The following PTCD3 variants were observed in gnomAD, a reference collection of about 807,000 sequenced individuals.
PTCD3 encodes the protein pentatricopeptide repeat domain 3, also known as small ribosomal subunit protein mS39.
In PTCD3, 89 loss-of-function variants were observed where a neutral mutation model predicts 101.9. That is an observed-to-expected ratio of 0.87 (90% CI 0.74 to 1.04). The LOEUF is 1.04. PTCD3 is among the 50% of genes least tolerant of loss of function. The pLI, the probability that PTCD3 is intolerant of heterozygous loss-of-function variation, is 0.00. For missense variants in PTCD3, 870 were observed against 828.2 expected (o/e 1.05, Z -0.62); for synonymous variants, 296 against 278.5 (o/e 1.06, Z -0.63).
chr2:86,118,757 A>C (rs1191647358), intron 6 of PTCD3, among the ~76,000 whole-genome samples, 164 bp from the exon 7 acceptor site: 1 of 152,268 alleles, frequency 6.6e-6, no homozygotes, highest in Non-Finnish European at 1.5e-5. Flanking sequence ...ATTCCCTGTG[A>C]AGACAGTGAT....
chr2:86,108,566 A>G lies in PTCD3; in HGVS notation c.194+30A>G, dbSNP rs373222579. ...GTATTCTATCAGTGTTCATTCAGCA[A>G]ATGGTTGAGTGCTTACTATGAGAGA... On this transcript the variant is annotated intron_variant, in intron 3 of 23. Coordinates refer to ENST00000254630, the MANE Select transcript of PTCD3 (RefSeq NM_017952.6). 3.2e-4 allele frequency: 503 copies of G among 1,572,514 alleles called. 1 individual carries two copies. In the African/African-American group the frequency reaches 5.3e-3, roughly 17 times the overall value.
chr2:86,116,493 A>G lies in PTCD3; in HGVS notation c.241-37A>G, dbSNP rs370935836. ...TAAAAGTTACAGTGAGCTGTCTTCA[A>G]AATAAATATAGAAATTGTATTATGT... On this transcript the variant is annotated intron_variant, in intron 4 of 23. Coordinates refer to ENST00000254630, the MANE Select transcript of PTCD3 (RefSeq NM_017952.6). The G allele has an allele frequency of 2.7e-4, 408 of 1,536,338 alleles. 1 individual carries two copies. Among genetic ancestry groups the G allele is most frequent in the Admixed American group, 7.1e-4 (42 of 59,334 alleles).
chr2:86,108,869 G>T (rs1407769097), intron 3 of PTCD3: 2 of 243,266 alleles, frequency 8.2e-6, no homozygotes, highest in Non-Finnish European at 1.6e-5. Context: ...TATGATTCAA[G>T]AGCAGACAGT....
At chr2:86,116,629 T>C (rs745930058) in intron 5 of PTCD3, 31 bp downstream of exon 5, 35 of 1,524,128 alleles carry the variant, frequency 2.3e-5, no homozygotes, top group Non-Finnish European at 3.1e-5. Context: ...TTCTAGTGTT[T>C]TATCTCTCTG....
rs773634486 is a variant in PTCD3, at chr2:86,134,277, C to T, written c.1544-15C>T. 8.9e-6 allele frequency: 14 copies of T among 1,577,874 alleles called. No homozygotes were observed. The highest frequency in any genetic ancestry group is 3.4e-5 in the Admixed American group (2 of 59,690). On this transcript the variant is annotated splice_polypyrimidine_tract_variant and intron_variant, in intron 19 of 23. Transcript: ENST00000254630. ...ACATAACAATGATCACTCCTTGTTC[C>T]TTTCTTGTTTCAAGATAGTAAAGAA...
In PTCD3 at chr2:86,114,276, C is replaced by CT. The variant is rs976481294; in HGVS notation, c.241-2246dup. Among the ~76,000 whole-genome samples the CT allele has an allele frequency of 2.6e-5, 4 of 151,498 alleles. No homozygotes were observed. In the East Asian group the frequency reaches 5.8e-4, roughly 22 times the overall value. ...TATCGCCAAGACTGAGAAAGGAATT[C>CT]TTTTTTTTCTTTCTTTTTTTTTTTT... On this transcript the variant is annotated intron_variant, in intron 4 of 23. Coordinates refer to ENST00000254630, the MANE Select transcript of PTCD3 (RefSeq NM_017952.6).
chr2:86,131,219 T>C (rs778286609), intron 16 of PTCD3, 113 bp downstream of exon 16: 5 of 789,388 alleles, frequency 6.3e-6, no homozygotes, highest in Non-Finnish European at 9.7e-6. Flanking sequence ...TCTTTGCTTC[T>C]GTTTTTTCTT....
At chr2:86,134,484 C>A in intron 20 of PTCD3, 107 bp downstream of exon 20, 1 of 873,654 alleles carries the variant, frequency 1.1e-6, no homozygotes, top group East Asian at 2.5e-5. Flanking sequence ...TACCCAAACC[C>A]ATATTTGAGT....
rs1337308456 is a variant in PTCD3, at chr2:86,130,713, T to G, written c.1213T>G (p.Phe405Val). Residue 405 changes from phenylalanine to valine, a missense_variant, in exon 15 of 24, where the codon TTT (phenylalanine) becomes GTT (valine). By Grantham distance (50) the Phe-to-Val change is conservative. Transcript: ENST00000254630. ...AATGAATGAATTAATGGGAAAGAGA[T>G]TTTCTCCAAAGGACCCGGATGATGG... ...DIMNELMGKRFSPKDPDDDKF... is the reference protein window; with the variant it reads ...DIMNELMGKRVSPKDPDDDKF... 1 of 1,613,706 alleles carries G rather than the reference T, an allele frequency of 6.2e-7. No homozygotes were observed. The highest frequency in any genetic ancestry group is 8.5e-7 in the Non-Finnish European group (1 of 1,179,848).
intron 1 of PTCD3, among the ~76,000 whole-genome samples, chr2:86,106,559 G>T (rs924969608): frequency 6.6e-6 from 1 of 152,196 alleles, no homozygotes; most frequent in African/African-American, 2.4e-5. Context: ...CTTATTGGTT[G>T]CTTGCAATAT....
At chr2:86,108,682 T>A in intron 3 of PTCD3, 146 bp downstream of exon 3, 1 of 737,074 alleles carries the variant, frequency 1.4e-6, no homozygotes, top group Non-Finnish European at 2.1e-6. Context: ...AGCTAGGAGT[T>A]TAAAGGACAA....
At chr2:86,111,079 C>T (rs764727901) in intron 3 of PTCD3, 34 bp from the exon 4 acceptor site, 18 of 1,594,720 alleles carry the variant, frequency 1.1e-5, no homozygotes, top group Non-Finnish European at 1.5e-5. Context: ...ATGAAGAGCC[C>T]TGATGAGGAT....
rs1458500748 is a variant in PTCD3, at chr2:86,138,717, A to G, written c.*1158A>G. 6.6e-6 allele frequency: 1 copy of G among 151,080 alleles called. No individual in the cohort carries two copies. The highest frequency in any genetic ancestry group is 1.5e-5 in the Non-Finnish European group (1 of 67,982). The allele number at this position is 151,080 out of a possible 1,614,324, so 9.4% of individuals were successfully genotyped here. On this transcript the variant is annotated 3_prime_UTR_variant, in exon 24 of 24. Transcript: ENST00000254630. ...CGATATAGTAGCTAGCTACTTAAGC[A>G]TCCATGGGTATTGCTCCATATCAAA...
intron 7 of PTCD3, among the ~76,000 whole-genome samples, chr2:86,119,933 A>C (rs559277450): frequency 2.0e-5 from 3 of 152,374 alleles, no homozygotes; most frequent in Non-Finnish European, 1.5e-5. Context: ...ATATAGCAAC[A>C]TCAGAAGCAG....
rs564406973 is a variant in PTCD3, at chr2:86,125,340, G to T, written c.805-115G>T. 1.3e-5 allele frequency: 15 copies of T among 1,189,028 alleles called. No homozygotes were observed. In the East Asian group the frequency reaches 2.1e-4, roughly 17 times the overall value. 73.7% of individuals were successfully genotyped at this position (1,189,028 alleles called of 1,614,324 possible). A position where few individuals can be genotyped will look rare whatever the true frequency, so the allele number is the denominator to read the frequency against. On this transcript the variant is annotated intron_variant, in intron 10 of 23. Coordinates refer to ENST00000254630, the MANE Select transcript of PTCD3 (RefSeq NM_017952.6). Reference sequence around the variant, plus strand: ...CACTGCACTAGAGTATGAGCTTCATGAGAACAGGAGCCTGATCTATTGAGC... The same window carrying T: ...CACTGCACTAGAGTATGAGCTTCATTAGAACAGGAGCCTGATCTATTGAGC...
intron 3 of PTCD3, among the ~76,000 whole-genome samples, chr2:86,109,606 A>G (rs1455926279): frequency 2.6e-5 from 4 of 152,356 alleles, no homozygotes; most frequent in East Asian, 1.9e-4. Flanking sequence ...TTTATGGGAC[A>G]GTAAATTGGA....
Position 86,137,710 on chromosome 2 carries a change from T to C in PTCD3, c.*151T>C. On this transcript the variant is annotated 3_prime_UTR_variant, in exon 24 of 24. Transcript: ENST00000254630. The stretch of plus-strand genomic sequence containing the variant: ...CTGTGAGGTACAGTCAGTACACAGC[T>C]GACTTATGTAGATTTAAGCTGCTAA... 8.8e-7 allele frequency: 1 copy of C among 1,141,112 alleles called. No individual in the cohort carries two copies. Among genetic ancestry groups the C allele is most frequent in the South Asian group, 1.5e-5 (1 of 68,266 alleles). The allele number at this position is 1,141,112 out of a possible 1,614,324, so 70.7% of individuals were successfully genotyped here.
chr2:86,117,614 A>AT (rs1295578971), intron 6 of PTCD3, among the ~76,000 whole-genome samples: 2 of 151,770 alleles, frequency 1.3e-5, no homozygotes, highest in Admixed American at 6.6e-5. Flanking sequence ...TGCCTGGCTG[A>AT]TTTTTTTTAA....
chr2:86,106,422 G>A (rs866890895), intron 1 of PTCD3, 71 bp downstream of exon 1: 4 of 1,472,366 alleles, frequency 2.7e-6, no homozygotes, highest in Middle Eastern at 3.7e-4. Flanking sequence ...CCAGCTGGCT[G>A]TGGAAGTAGG....
Sources: allele counts gnomAD v4.1 joint callset (sites outside exome capture counted in the v4.1 genomes callset), GRCh38; gene constraint gnomAD v4.1.1; transcripts MANE v1.5; gene names NCBI Gene and HGNC (gene_info 2026-07-23, HGNC 2026-07-21).